PDE4D: variants seen among roughly 807,000 people sequenced by gnomAD.
The protein encoded by PDE4D is phosphodiesterase 4D, also known as 3',5'-cyclic-AMP phosphodiesterase 4D.
Under a neutral mutation model 87.4 loss-of-function variants are expected in PDE4D, and 24 were observed. That is an observed-to-expected ratio of 0.27 (90% CI 0.20 to 0.39). The LOEUF is 0.39. Ranked by LOEUF, PDE4D falls within the 10% of genes least tolerant of loss-of-function variation. PDE4D has a pLI of 1.00. For missense variants in PDE4D, 714 were observed against 1,041.0 expected (o/e 0.69, Z 4.32); for synonymous variants, 384 against 383.2 (o/e 1.00, Z -0.02).
At chr5:58,981,033 T>A (rs1349871456) in intron 11 of PDE4D, among the ~76,000 whole-genome samples, 4 of 152,040 alleles carry the variant, frequency 2.6e-5, no homozygotes, top group Non-Finnish European at 5.9e-5. Context: ...CTCTTTGAGG[T>A]CCTCAATGGA....
At chr5:60,433,236 A>G (rs1381889420) in intron 1 of PDE4D, among the ~76,000 whole-genome samples, 4 of 152,164 alleles carry the variant, frequency 2.6e-5, no homozygotes, top group Non-Finnish European at 5.9e-5. Context: ...ATTGACAAGC[A>G]AAAAAACAAA....
At chr5:59,773,396 T>C (rs1412961408) in intron 1 of PDE4D, among the ~76,000 whole-genome samples, 3 of 152,180 alleles carry the variant, frequency 2.0e-5, no homozygotes, top group Non-Finnish European at 4.4e-5. Flanking sequence ...TGGTTATTTC[T>C]ATGGAAAACA....
chr5:60,092,894 G>A (rs1055839067), intron 2 of PDE4D, among the ~76,000 whole-genome samples: 2 of 152,204 alleles, frequency 1.3e-5, no homozygotes, highest in East Asian at 3.8e-4. Context: ...CATAGGGGAA[G>A]CATGACTGGA....
intron 1 of PDE4D, among the ~76,000 whole-genome samples, chr5:59,404,656 ACT>A (rs756543974): frequency 5.4e-5 from 6 of 111,836 alleles, no homozygotes; most frequent in Admixed American, 9.3e-5. Context: ...ACAGAGTGAG[ACT>A]CTGTCTAAAA....
intron 1 of PDE4D, among the ~76,000 whole-genome samples, chr5:60,409,914 G>A (rs1366717905): frequency 1.3e-5 from 2 of 152,104 alleles, no homozygotes; most frequent in African/African-American, 2.4e-5. Flanking sequence ...GCAGTCAGAT[G>A]TGTGTGCCTT....
At chr5:59,179,680 A>G (rs200826905) in intron 5 of PDE4D, 546 of 459,234 alleles carry the variant, frequency 1.2e-3, no homozygotes, top group Non-Finnish European at 1.6e-3. Context: ...GTACTCACTA[A>G]TAACTTAATA....
chr5:59,978,022 T>C (rs1761515027), intron 3 of PDE4D, among the ~76,000 whole-genome samples: 1 of 152,176 alleles, frequency 6.6e-6, no homozygotes, highest in Non-Finnish European at 1.5e-5. Context: ...AAAAAGATTC[T>C]TTTCAAAATA....
intron 6 of PDE4D, among the ~76,000 whole-genome samples, chr5:59,031,608 T>G (rs1040249155): frequency 2.1e-5 from 3 of 141,106 alleles, no homozygotes; most frequent in Non-Finnish European, 4.5e-5. Flanking sequence ...CTCAGGAGGC[T>G]GAGGCAGGAG....
At chr5:60,186,686 A>G (rs1784810378) in intron 1 of PDE4D, among the ~76,000 whole-genome samples, 1 of 152,222 alleles carries the variant, frequency 6.6e-6, no homozygotes, top group East Asian at 1.9e-4. Context: ...GGTTTGTTGT[A>G]AGCTTCTCAA....
chr5:58,976,094 G>C (rs939094072), intron 13 of PDE4D, among the ~76,000 whole-genome samples: 3 of 152,156 alleles, frequency 2.0e-5, no homozygotes, highest in African/African-American at 4.8e-5. Flanking sequence ...ACTAGATTCA[G>C]AGCTGCTTAA....
chr5:60,294,015 T>C (rs1437855135), intron 1 of PDE4D, among the ~76,000 whole-genome samples: 3 of 152,220 alleles, frequency 2.0e-5, no homozygotes, highest in African/African-American at 7.2e-5. Flanking sequence ...GCAAAACATT[T>C]TTCAAAGTAG....
chr5:59,667,759 T>A (rs548904965), intron 1 of PDE4D, among the ~76,000 whole-genome samples: 1 of 152,302 alleles, frequency 6.6e-6, no homozygotes, highest in African/African-American at 2.4e-5. Context: ...TAGCTCCACA[T>A]TACCCCTTGC....
At chr5:59,277,209 C>A (rs998253347) in intron 1 of PDE4D, among the ~76,000 whole-genome samples, 1 of 152,102 alleles carries the variant, frequency 6.6e-6, no homozygotes, top group Non-Finnish European at 1.5e-5. Context: ...TACAACAAAC[C>A]CTTCATCTGC....
chr5:59,735,945 A>G (rs1264339311), intron 1 of PDE4D, among the ~76,000 whole-genome samples: 1 of 152,166 alleles, frequency 6.6e-6, no homozygotes, highest in Non-Finnish European at 1.5e-5. Context: ...CTAGGATTAC[A>G]GGTGTGAGCC....
intron 1 of PDE4D, among the ~76,000 whole-genome samples, chr5:59,522,348 T>G (rs1000779807): frequency 1.3e-5 from 2 of 152,212 alleles, no homozygotes; most frequent in Non-Finnish European, 2.9e-5. Flanking sequence ...CTCAGGGCAC[T>G]GGAGTGCACT....
intron 5 of PDE4D, among the ~76,000 whole-genome samples, chr5:59,139,205 T>C (rs1256783926): frequency 6.6e-6 from 1 of 152,148 alleles, no homozygotes; most frequent in Non-Finnish European, 1.5e-5. Flanking sequence ...AGACAGGACA[T>C]TTACATTTAC....
intron 3 of PDE4D, among the ~76,000 whole-genome samples, chr5:59,909,151 T>C (rs914915891): frequency 5.9e-5 from 9 of 152,162 alleles, no homozygotes; most frequent in Non-Finnish European, 1.2e-4. Context: ...CTTCACTATA[T>C]CTCTACCAAC....
chr5:59,243,371 G>T (rs1758065191), intron 1 of PDE4D, among the ~76,000 whole-genome samples: 2 of 146,594 alleles, frequency 1.4e-5, no homozygotes, highest in Non-Finnish European at 3.0e-5. Flanking sequence ...AAAACTGCAG[G>T]TTTAAATATT....
At chr5:59,819,708 A>G (rs1769412832) in intron 1 of PDE4D, among the ~76,000 whole-genome samples, 1 of 152,198 alleles carries the variant, frequency 6.6e-6, no homozygotes, top group African/African-American at 2.4e-5. Context: ...GGGGAAAAAG[A>G]ATTTTGAAAA....
Sources: gnomAD v4.1 joint callset for allele counts (sites outside exome capture counted in the v4.1 genomes callset) on GRCh38, gnomAD v4.1.1 for gene constraint, MANE v1.5 for transcripts, NCBI Gene and HGNC (gene_info 2026-07-23, HGNC 2026-07-21) for gene names.